The following ANO2 variants were observed in gnomAD, a reference collection of about 807,000 sequenced individuals.
The protein encoded by ANO2 is anoctamin-2.
In ANO2, 101 loss-of-function variants were observed where a neutral mutation model predicts 124.2. That is an observed-to-expected ratio of 0.81 (90% CI 0.69 to 0.96). The LOEUF is 0.96. Among genes scored for constraint, ANO2 ranks in the 40% least tolerant of loss-of-function variants. The pLI is 0.00. For missense variants in ANO2, 1,293 were observed against 1,274.5 expected, an observed-to-expected ratio of 1.01 and a Z score of -0.22; for synonymous variants, 486 against 482.5, an observed-to-expected ratio of 1.01 and a Z score of -0.09.
Position 5,691,137 on chromosome 12 carries a change from G to C in ANO2, c.1545+41383C>G, listed in dbSNP as rs894385609. ...GAGGTCAGGAGCTTGAGACCAGCCT[G>C]ACCAACGTGGTGAAACCTCGTCTCT... On this transcript the variant is annotated intron_variant, in intron 14 of 24. Transcript: ENST00000682330. Among the ~76,000 whole-genome samples the C allele has an allele frequency of 2.6e-5, 4 of 152,034 alleles. No homozygotes were observed. In the East Asian group the frequency reaches 7.7e-4, roughly 29 times the overall value.
chr12:5,759,599 G>A (rs920935664), intron 10 of ANO2, among the ~76,000 whole-genome samples: 9 of 148,290 alleles, frequency 6.1e-5, no homozygotes, highest in East Asian at 1.9e-4. Context: ...TGTGAACTGC[G>A]CATGGGAGGG....
intron 3 of ANO2, among the ~76,000 whole-genome samples, chr12:5,914,113 T>C (rs1231214916): frequency 6.6e-6 from 1 of 151,754 alleles, no homozygotes; most frequent in Non-Finnish European, 1.5e-5. Flanking sequence ...GGCAGGAGAA[T>C]CACTTGAACC....
At chr12:5,847,113 G>A (rs1954707783) in intron 4 of ANO2, among the ~76,000 whole-genome samples, 1 of 152,202 alleles carries the variant, frequency 6.6e-6, no homozygotes, top group Admixed American at 6.5e-5. Context: ...GAGTAGAGCA[G>A]ATTACCCTCC....
At chr12:5,917,189 G>A (rs749353596) in intron 3 of ANO2, among the ~76,000 whole-genome samples, 13 of 152,132 alleles carry the variant, frequency 8.5e-5, no homozygotes, top group Non-Finnish European at 1.5e-4. Flanking sequence ...CAGCCAAAGC[G>A]GGGAACATCT....
chr12:5,858,878 A>G (rs1167497015), intron 3 of ANO2, among the ~76,000 whole-genome samples: 1 of 152,234 alleles, frequency 6.6e-6, no homozygotes, highest in African/African-American at 2.4e-5. Context: ...TTCCCGTTAG[A>G]TTAAAATTGT....
chr12:5,805,084 T>G (rs575827168), intron 9 of ANO2, among the ~76,000 whole-genome samples: 1 of 152,000 alleles, frequency 6.6e-6, no homozygotes, highest in Non-Finnish European at 1.5e-5. Flanking sequence ...GGTTAAGACA[T>G]CGCAATACTA....
At chr12:5,874,239 C>T (rs1181638975) in intron 3 of ANO2, among the ~76,000 whole-genome samples, 2 of 152,174 alleles carry the variant, frequency 1.3e-5, no homozygotes, top group Non-Finnish European at 2.9e-5. Flanking sequence ...AAGAGCTAGG[C>T]CACAAGGTAA....
intron 14 of ANO2, among the ~76,000 whole-genome samples, chr12:5,730,601 T>C (rs1950595238): frequency 6.6e-6 from 1 of 152,220 alleles, no homozygotes; most frequent in African/African-American, 2.4e-5. Context: ...GTGCCTTTCC[T>C]AAACATTCCA....
At chr12:5,651,274 A>G (rs1010489542) in intron 14 of ANO2, among the ~76,000 whole-genome samples, 7 of 152,234 alleles carry the variant, frequency 4.6e-5, no homozygotes, top group African/African-American at 1.7e-4. Context: ...ATAAAACCAC[A>G]TAAGTGCCCT....
At chr12:5,914,892 A>C (rs558901748) in intron 3 of ANO2, among the ~76,000 whole-genome samples, 1 of 152,246 alleles carries the variant, frequency 6.6e-6, no homozygotes, top group African/African-American at 2.4e-5. Context: ...CATGCATGTG[A>C]GTCTCTGCCT....
chr12:5,760,927 A>C (rs758178016), intron 10 of ANO2, among the ~76,000 whole-genome samples: 18 of 152,130 alleles, frequency 1.2e-4, no homozygotes, highest in Non-Finnish European at 1.5e-5. Context: ...CCAGGAAATC[A>C]GTCGAACACG....
intron 4 of ANO2, among the ~76,000 whole-genome samples, chr12:5,833,766 CT>C (rs61564107): frequency 0.54 from 82,730 of 151,812 alleles, 26,616 homozygotes; most frequent in East Asian, 0.73. Flanking sequence ...AATCTAATGC[CT>C]GATGATCTGA....
At chr12:5,782,663 C>A (rs1474634068) in intron 10 of ANO2, among the ~76,000 whole-genome samples, 2 of 152,152 alleles carry the variant, frequency 1.3e-5, no homozygotes, top group African/African-American at 4.8e-5. Context: ...AGGAAATCTA[C>A]ATTTTATAGG....
At chr12:5,709,304 C>G (rs1201663833) in intron 14 of ANO2, among the ~76,000 whole-genome samples, 1 of 152,220 alleles carries the variant, frequency 6.6e-6, no homozygotes, top group South Asian at 2.1e-4. Context: ...ACTATACTCT[C>G]CAGCCTTTCT....
rs957185195 is a variant in ANO2, at chr12:5,769,532, C to T, written c.1056-18562G>A. 7.2e-5 allele frequency among the ~76,000 whole-genome samples: 11 copies of T among 152,074 alleles called. No individual in the cohort carries two copies. The highest frequency in any genetic ancestry group is 2.0e-4 in the Admixed American group (3 of 15,272). ...CAAGAAAAACAAAGCAGGCAGAAACCGAGTCACAGCATTGGCAGAATCCTC... is the reference window on the plus strand; with the variant it reads ...CAAGAAAAACAAAGCAGGCAGAAACTGAGTCACAGCATTGGCAGAATCCTC... On this transcript the variant is annotated intron_variant, in intron 10 of 24. Transcript: ENST00000682330. The surrounding 1 kb of genome is among the most constrained non-coding windows in gnomAD (Gnocchi z 4.0).
intron 23 of ANO2, among the ~76,000 whole-genome samples, chr12:5,569,465 T>C (rs1347570142): frequency 6.6e-6 from 1 of 152,188 alleles, no homozygotes; most frequent in Non-Finnish European, 1.5e-5. Context: ...GAGGCTTAAA[T>C]AACATAAATT....
At chr12:5,757,645 C>G (rs1335087297) in intron 10 of ANO2, among the ~76,000 whole-genome samples, 2 of 152,178 alleles carry the variant, frequency 1.3e-5, no homozygotes, top group Admixed American at 1.3e-4. Flanking sequence ...AATATAGTTC[C>G]CAGCCTAACA....
At chr12:5,719,107 G>A (rs1950126538) in intron 14 of ANO2, among the ~76,000 whole-genome samples, 1 of 152,190 alleles carries the variant, frequency 6.6e-6, no homozygotes, top group South Asian at 2.1e-4. Context: ...ATGCACTTTA[G>A]GACTTAGGAG....
At position 5,578,519 on chromosome 12, in the gene ANO2, CT is replaced by C; in HGVS notation, c.2234-2del. 1 of 1,612,482 alleles carries C rather than the reference CT, an allele frequency of 6.2e-7. No individual in the cohort carries two copies. The highest frequency in any genetic ancestry group is 8.5e-7 in the Non-Finnish European group (1 of 1,179,298). On this transcript the variant is annotated splice_acceptor_variant, in intron 20 of 24. Coordinates refer to ENST00000682330, the MANE Select transcript of ANO2 (RefSeq NM_001364791.2). LOFTEE classifies it high-confidence loss of function. ...AGGGTGACAAAACCAAACTGGATGA[CT>C]GCGAGAGAGCACAGCATGAGGGCTT...
Sources: allele counts gnomAD v4.1 joint callset (sites outside exome capture counted in the v4.1 genomes callset), GRCh38; gene constraint gnomAD v4.1.1; non-coding constraint Gnocchi (gnomAD v3.1); transcripts MANE v1.5; gene names NCBI Gene and HGNC (gene_info 2026-07-23, HGNC 2026-07-21).